The following TNC variants were observed in gnomAD, a reference collection of about 807,000 sequenced individuals.
TNC encodes tenascin C.
TNC carries 109 observed loss-of-function variants against 202.4 expected under a neutral mutation model. The ratio of observed to expected loss-of-function variants is 0.54; its 90% CI spans 0.46 to 0.63. The LOEUF (loss-of-function observed/expected upper bound fraction) is 0.63, where lower values mean the gene tolerates loss of function less well. Among genes scored for constraint, TNC ranks in the 30% least tolerant of loss-of-function variants. TNC has a pLI of 0.00. For missense variants in TNC, 2,756 were observed against 2,833.3 expected (o/e 0.97, Z 0.62); for synonymous variants, 1,007 against 1,089.7 (o/e 0.92, Z 1.50).
Position 115,076,575 on chromosome 9 carries a change from C to A in TNC, c.2675G>T (p.Gly892Val). 6.2e-7 allele frequency: 1 copy of A among 1,614,004 alleles called. No homozygotes were observed. Among genetic ancestry groups the A allele is most frequent in the Non-Finnish European group, 8.5e-7 (1 of 1,179,926 alleles). Residue 892 changes from glycine to valine, a missense_variant and splice_region_variant, in exon 8 of 28, where the codon GGC (glycine) becomes GTC (valine). By Grantham distance (109) the Gly-to-Val change is moderately radical. Coordinates refer to ENST00000350763, the MANE Select transcript of TNC (RefSeq NM_002160.4). ...SNPAKETFTT[G>V]LDAPRNLRRV... The stretch of plus-strand genomic sequence containing the variant: ...TCGAAGATTCCTGGGAGCATCGAGG[C>A]CTGTTTGAGAGAAGGAACATTTGTA...
chr9:115,108,705 C>A (rs79246389), intron 1 of TNC, among the ~76,000 whole-genome samples: 2,946 of 152,290 alleles, frequency 0.019, 97 homozygotes, highest in African/African-American at 0.068. Flanking sequence ...AACATAATCA[C>A]CAGTGTGACA....
At chr9:115,080,421 T>C (rs960018229) in intron 6 of TNC, among the ~76,000 whole-genome samples, 2 of 152,274 alleles carry the variant, frequency 1.3e-5, no homozygotes, top group East Asian at 3.9e-4. Context: ...ATCCTTTGAA[T>C]TGGCTCTGAG....
intron 15 of TNC, among the ~76,000 whole-genome samples, chr9:115,056,280 T>C (rs1832113981): frequency 1.3e-5 from 2 of 152,294 alleles, no homozygotes; most frequent in East Asian, 3.9e-4. Context: ...TTCTAGTTTG[T>C]GATTTCTTCA....
intron 10 of TNC, 45 bp downstream of exon 10, chr9:115,073,558 C>T: frequency 6.3e-7 from 1 of 1,588,522 alleles, no homozygotes; most frequent in Non-Finnish European, 8.6e-7. Flanking sequence ...ATCTGCTAAC[C>T]TCAGAATCAA....
chr9:115,056,447 C>T (rs1039920656), intron 15 of TNC, among the ~76,000 whole-genome samples: 2 of 152,202 alleles, frequency 1.3e-5, no homozygotes, highest in African/African-American at 4.8e-5. Flanking sequence ...ACAGACACCA[C>T]AAATTTAAAG....
Position 115,086,356 on chromosome 9 carries a change from C to G in TNC, c.1375G>C (p.Gly459Arg). Residue 459 changes from glycine (G) to arginine (R), a missense_variant, in exon 3 of 28, where the codon GGC becomes CGC. Gly to Arg is a moderately radical substitution (Grantham distance 125). Coordinates refer to ENST00000350763, the MANE Select transcript of TNC (RefSeq NM_002160.4). ...TCACTGCAGTCATAGCCCTTGAAGC[C>G]TTGCTCACATACACATTTGCCCTCG... ...CVEGKCVCEQGFKGYDCSDMS... is the reference protein window; with the variant it reads ...CVEGKCVCEQRFKGYDCSDMS... 1 of 1,614,174 alleles carries G rather than the reference C, an allele frequency of 6.2e-7. No homozygotes were observed. The highest frequency in any genetic ancestry group is 1.1e-5 in the South Asian group (1 of 91,084).
At chr9:115,108,721 A>G (rs1588237506) in intron 1 of TNC, among the ~76,000 whole-genome samples, 3 of 152,328 alleles carry the variant, frequency 2.0e-5, no homozygotes, top group East Asian at 1.9e-4. Context: ...TGACAATATT[A>G]GTTGGCAGAG....
At position 115,087,048 on chromosome 9, in the gene TNC, T is replaced by C; in HGVS notation, c.683A>G (p.Gln228Arg). 6.2e-7 allele frequency: 1 copy of C among 1,613,330 alleles called. No individual in the cohort carries two copies. Among genetic ancestry groups the C allele is most frequent in the Non-Finnish European group, 8.5e-7 (1 of 1,179,462 alleles). ...GCAGACTCCATTTACGCACTTGCCC[T>C]GGTCATTGCAGTCGCTGGGGCAAGC... ...QLACPSDCNDQGKCVNGVCIC... is the reference protein window; with the variant it reads ...QLACPSDCNDRGKCVNGVCIC... Residue 228 changes from glutamine (Q) to arginine (R), a missense_variant, in exon 3 of 28, where the codon CAG (glutamine) becomes CGG (arginine). Gln to Arg is a conservative substitution (Grantham distance 43). This residue lies in a region of TNC where 2,559 missense variants were observed against 2,546.0 expected (regional missense o/e 1.01). Transcript: ENST00000350763.
In TNC at chr9:115,076,043, T is replaced by A. The variant is rs1833822365; in HGVS notation, c.2939A>T (p.Asn980Ile). The A allele has an allele frequency of 6.2e-7, 1 of 1,613,978 alleles. No individual in the cohort carries two copies. The highest frequency in any genetic ancestry group is 1.1e-5 in the South Asian group (1 of 91,082). ...CAGGTGTGCCCCACCTGTGGCTGCG[T>A]TGATGGTCGCTGGATTGCTCTCCTT... ...EDKESNPATI[N>I]AATELDTPKD... Residue 980 changes from asparagine (N) to isoleucine (I), a missense_variant, in exon 9 of 28, where the codon AAC becomes ATC. Asn to Ile is a moderately radical substitution (Grantham distance 149, BLOSUM62 -3). Transcript: ENST00000350763.
chr9:115,097,234 C>T (rs1374853132), intron 1 of TNC, among the ~76,000 whole-genome samples: 1 of 152,192 alleles, frequency 6.6e-6, no homozygotes, highest in Non-Finnish European at 1.5e-5. Flanking sequence ...CTCAATTTCC[C>T]CGCCTCCTCT....
At position 115,059,778 on chromosome 9, in the gene TNC, C is replaced by T. The variant is rs750201963; in HGVS notation, c.4258G>A (p.Val1420Met). ...ATPYRVSIYG[V>M]IRGYRTPVLS... ...ACTGGTGTTCTATAGCCCCGGATCA[C>T]CCCATAGATGGAGACTCTATAAGGC... The change falls in exon 14 of 28, where the codon GTG (valine) becomes ATG (methionine). Residue 1420 changes from valine to methionine, a missense_variant. Val to Met is a conservative substitution (Grantham distance 21). Around this residue, in one of 2 missense-constraint regions of TNC, gnomAD observed 2,559 missense variants for 2,546.0 expected, o/e 1.01. Transcript: ENST00000350763. The T allele has an allele frequency of 6.2e-7, 1 of 1,613,948 alleles. No homozygotes were observed. The highest frequency in any genetic ancestry group is 8.5e-7 in the Non-Finnish European group (1 of 1,179,972).
At chr9:115,048,943 T>TG (rs1831427577) in intron 15 of TNC, among the ~76,000 whole-genome samples, 1 of 152,114 alleles carries the variant, frequency 6.6e-6, no homozygotes, top group Non-Finnish European at 1.5e-5. Context: ...CTTTTTTTTT[T>TG]TTTCGAGTAT....
chr9:115,091,182 A>G, intron 1 of TNC, 28 bp from the exon 2 acceptor site: 1 of 613,958 alleles, frequency 1.6e-6, no homozygotes, highest in Non-Finnish European at 2.9e-6. Flanking sequence ...CAAAAAAATT[A>G]TGAGTATCTA....
intron 1 of TNC, among the ~76,000 whole-genome samples, chr9:115,095,078 A>G (rs948511001): frequency 6.6e-6 from 1 of 152,074 alleles, no homozygotes. Flanking sequence ...TTAGGTTTGA[A>G]TCACTGTTTG....
At chr9:115,095,328 A>G (rs1273611794) in intron 1 of TNC, among the ~76,000 whole-genome samples, 1 of 151,650 alleles carries the variant, frequency 6.6e-6, no homozygotes, top group Non-Finnish European at 1.5e-5. Context: ...CTTTCTCCTA[A>G]CCTTTGAAAC....
At position 115,086,766 on chromosome 9, in the gene TNC, C is replaced by G. The variant is rs145315080; in HGVS notation, c.965G>C (p.Arg322Pro). 3.1e-6 allele frequency: 5 copies of G among 1,613,694 alleles called. No individual in the cohort carries two copies. Among genetic ancestry groups the G allele is most frequent in the South Asian group, 2.2e-5 (2 of 91,088 alleles). ...GCAGGTGCCATTGATGCAGCGGCCC[C>G]GGTCGAAGCAGTCATTGGGGCAGAT... ...ELICPNDCFD[R>P]GRCINGTCYC... Residue 322 changes from arginine to proline, a missense_variant, in exon 3 of 28, where the codon CGG (arginine) becomes CCG (proline). By Grantham distance (103) the Arg-to-Pro change is moderately radical. This residue lies in a region of TNC where 2,559 missense variants were observed against 2,546.0 expected (regional missense o/e 1.01). Transcript: ENST00000350763.
intron 11 of TNC, 143 bp downstream of exon 11, chr9:115,064,504 G>A (rs970684829): frequency 1.9e-5 from 21 of 1,093,074 alleles, no homozygotes; most frequent in South Asian, 3.1e-5. Context: ...GTTCTGTAGC[G>A]TGATGGCCTC....
intron 6 of TNC, among the ~76,000 whole-genome samples, chr9:115,080,945 T>C (rs1834259545): frequency 1.3e-5 from 2 of 152,062 alleles, no homozygotes; most frequent in Non-Finnish European, 1.5e-5. Context: ...AATTCAGGTC[T>C]TTTTCTCACC....
chr9:115,052,884 C>T (rs1294547997), intron 15 of TNC: 2 of 702,628 alleles, frequency 2.8e-6, no homozygotes, highest in Non-Finnish European at 5.2e-6. Flanking sequence ...TGCTGGGACT[C>T]ATGCAGTGAG....
Sources: gnomAD v4.1 joint callset for allele counts (sites outside exome capture counted in the v4.1 genomes callset) on GRCh38, gnomAD v4.1.1 for gene constraint, gnomAD v4.1.1 regional missense constraint, MANE v1.5 for transcripts, NCBI Gene and HGNC (gene_info 2026-07-23, HGNC 2026-07-21) for gene names.